Variants in LIMCH1 observed in about 807,000 individuals in gnomAD.
The protein encoded by LIMCH1 is LIM and calponin homology domains 1.
LIMCH1 carries 113 observed loss-of-function variants against 176.5 expected under a neutral mutation model. The observed-to-expected ratio is 0.64, with a 90% confidence interval of 0.55 to 0.75. The LOEUF (loss-of-function observed/expected upper bound fraction) is 0.75. Ranked by LOEUF, LIMCH1 falls within the 30% of genes least tolerant of loss-of-function variation. The probability of loss-of-function intolerance (pLI) is 0.00; values close to 1 mark genes in which losing one functional copy is unlikely to be tolerated. For missense variants in LIMCH1, 1,674 were observed against 1,814.9 expected (o/e 0.92, Z 1.41); for synonymous variants, 619 against 645.9 (o/e 0.96, Z 0.63).
At chr4:41,466,923 C>G (rs1173663354) in intron 1 of LIMCH1, among the ~76,000 whole-genome samples, 1 of 152,066 alleles carries the variant, frequency 6.6e-6, no homozygotes, top group Non-Finnish European at 1.5e-5. Flanking sequence ...AGCAGTAACT[C>G]CTCATTCTCT....
At chr4:41,648,315 C>G (rs2094146116) in intron 17 of LIMCH1, among the ~76,000 whole-genome samples, 1 of 152,182 alleles carries the variant, frequency 6.6e-6, no homozygotes, top group Non-Finnish European at 1.5e-5. Context: ...GAAGGATTAG[C>G]ATAAATGATT....
chr4:41,494,526 T>C lies in LIMCH1; in HGVS notation c.97-10T>C, dbSNP rs1025122649. 97 of 1,609,012 alleles carry C rather than the reference T, an allele frequency of 6.0e-5. No individual in the cohort carries two copies. In the East Asian group the frequency reaches 2.1e-3, roughly 36 times the overall value. On this transcript the variant is annotated splice_polypyrimidine_tract_variant and intron_variant, in intron 1 of 26. Coordinates refer to the LIMCH1 transcript ENST00000313860. Reference sequence around the variant, plus strand: ...AAACTTATGTGCTCTTTTTCTTTTCTTTTTTGCAGCAAGTAACTGGCAGAA... The same window carrying C: ...AAACTTATGTGCTCTTTTTCTTTTCCTTTTTGCAGCAAGTAACTGGCAGAA...
Position 41,616,589 on chromosome 4 carries a change from T to C in LIMCH1, c.206-2599T>C, listed in dbSNP as rs185970292. On this transcript the variant is annotated intron_variant, in intron 5 of 31. Transcript: ENST00000503057. Reference sequence around the variant, plus strand: ...ATCATCATCACATGCTAGATTACATTCTCCTAACTCTGGACATAAATGGAG... The same window carrying C: ...ATCATCATCACATGCTAGATTACATCCTCCTAACTCTGGACATAAATGGAG... 6.3e-4 allele frequency among the ~76,000 whole-genome samples: 96 copies of C among 152,060 alleles called. 1 individual carries two copies. Among genetic ancestry groups the C allele is most frequent in the African/African-American group, 1.9e-3 (80 of 41,480 alleles).
intron 8 of LIMCH1, among the ~76,000 whole-genome samples, chr4:41,627,855 A>G (rs954376025): frequency 6.6e-6 from 1 of 152,206 alleles, no homozygotes; most frequent in Admixed American, 6.5e-5. Context: ...CTTTTTGCCC[A>G]TCACTTTAGA....
intron 1 of LIMCH1, among the ~76,000 whole-genome samples, chr4:41,468,478 G>C (rs1418235773): frequency 6.8e-6 from 1 of 147,876 alleles, no homozygotes; most frequent in Non-Finnish European, 1.5e-5. Context: ...ATCTTGACCT[G>C]ATCTGAAATG....
chr4:41,419,276 C>A (rs936042311), intron 1 of LIMCH1, among the ~76,000 whole-genome samples: 3 of 152,162 alleles, frequency 2.0e-5, no homozygotes, highest in Middle Eastern at 3.4e-3. Context: ...CTCCCGGGTT[C>A]CACAGATTCT....
intron 1 of LIMCH1, among the ~76,000 whole-genome samples, chr4:41,388,392 A>G (rs532795600): frequency 6.6e-6 from 1 of 152,252 alleles, no homozygotes; most frequent in Non-Finnish European, 1.5e-5. Context: ...GAAAGACTGT[A>G]CATTGTGTTA....
chr4:41,613,616 C>T lies in LIMCH1; in HGVS notation c.160C>T (p.Arg54Trp), dbSNP rs531782327. The T allele has an allele frequency of 4.2e-5, 68 of 1,614,128 alleles. No individual in the cohort carries two copies. In the South Asian group the frequency reaches 5.1e-4, roughly 12 times the overall value. Residue 54 changes from arginine to tryptophan, a missense_variant, in exon 5 of 32, where the codon CGG (arginine) becomes TGG (tryptophan). By Grantham distance (101) the Arg-to-Trp change is moderately radical (BLOSUM62 -3). This residue lies in a region of LIMCH1 where 655 missense variants were observed against 692.2 expected (regional missense o/e 0.95). Transcript: ENST00000503057. ...CCTGGATTCCTTTGGCTCTCGCTCT[C>T]GGCAGACGCCTTCACCAGATGTAGT... Reference protein sequence around the residue: ...DSLDSFGSRSRQTPSPDVVLR... With the variant: ...DSLDSFGSRSWQTPSPDVVLR...
At chr4:41,643,389 C>G (rs773623981) in intron 14 of LIMCH1, among the ~76,000 whole-genome samples, 1 of 151,934 alleles carries the variant, frequency 6.6e-6, no homozygotes, top group Non-Finnish European at 1.5e-5. Flanking sequence ...TAGCACTTAA[C>G]AGTGAGCTTT....
At chr4:41,486,340 T>G (rs2069530015) in intron 1 of LIMCH1, among the ~76,000 whole-genome samples, 2 of 152,154 alleles carry the variant, frequency 1.3e-5, no homozygotes, top group Admixed American at 6.5e-5. Context: ...CTGAGAGTCC[T>G]TCGTCAGTCA....
At chr4:41,694,110 T>C (rs1157360990) in intron 31 of LIMCH1, among the ~76,000 whole-genome samples, 7 of 152,114 alleles carry the variant, frequency 4.6e-5, no homozygotes, top group Non-Finnish European at 7.4e-5. Flanking sequence ...AGCTGAAAAA[T>C]AAGAAAGTGA....
chr4:41,536,238 G>A (rs2077931103), upstream of LIMCH1, among the ~76,000 whole-genome samples: 1 of 152,170 alleles, frequency 6.6e-6, no homozygotes, highest in South Asian at 2.1e-4. Context: ...AATGTATGAA[G>A]TATGAGACCA....
chr4:41,644,428 G>A (rs2093970887), intron 14 of LIMCH1, 72 bp from the exon 15 acceptor site: 7 of 1,411,198 alleles, frequency 5.0e-6, no homozygotes, highest in Non-Finnish European at 6.5e-6. Flanking sequence ...CACGCGGCAG[G>A]ACGCCCAGGC....
chr4:41,451,247 C>T (rs1425917962), intron 1 of LIMCH1, among the ~76,000 whole-genome samples: 1 of 151,790 alleles, frequency 6.6e-6, no homozygotes, highest in Non-Finnish European at 1.5e-5. Context: ...TCCCGAGTAG[C>T]TGAGATTACA....
Position 41,687,775 on chromosome 4 carries a change from T to C in LIMCH1, c.4089-65T>C, listed in dbSNP as rs1043762717. On this transcript the variant is annotated intron_variant, in intron 28 of 31. Coordinates refer to ENST00000503057, the MANE Select transcript of LIMCH1 (RefSeq NM_001330672.2). Reference sequence around the variant, plus strand: ...TTTTATTTTCCTAATCTAAAATGTCTTTTTTTAATGGAGTTTGGCTTCTCT... The same window carrying C: ...TTTTATTTTCCTAATCTAAAATGTCCTTTTTTAATGGAGTTTGGCTTCTCT... The C allele has an allele frequency of 1.1e-4, 115 of 1,015,078 alleles. No individual in the cohort carries two copies. The African/African-American group carries it at 1.7e-3, about 15-fold the overall frequency. The allele number at this position is 1,015,078 out of a possible 1,614,324, so 62.9% of individuals were successfully genotyped here.
chr4:41,463,683 C>T (rs2065706462), intron 1 of LIMCH1, among the ~76,000 whole-genome samples: 1 of 151,846 alleles, frequency 6.6e-6, no homozygotes, highest in East Asian at 1.9e-4. Context: ...TCAGGCGATG[C>T]TTCCACCTCA....
chr4:41,418,824 A>G (rs2060176768), intron 1 of LIMCH1: 1 of 152,144 alleles, frequency 6.6e-6, no homozygotes, highest in Admixed American at 6.6e-5. Flanking sequence ...AGAGAGAGAA[A>G]CTGTGTTGGG....
intron 1 of LIMCH1, among the ~76,000 whole-genome samples, chr4:41,583,622 C>A (rs1484186186): frequency 6.6e-6 from 1 of 152,058 alleles, no homozygotes; most frequent in Non-Finnish European, 1.5e-5. Flanking sequence ...CGTTGAGAAT[C>A]TAGAGTTATA....
At chr4:41,656,459 A>G (rs1260959689) in intron 18 of LIMCH1, among the ~76,000 whole-genome samples, 1 of 152,232 alleles carries the variant, frequency 6.6e-6, no homozygotes, top group Non-Finnish European at 1.5e-5. Context: ...TCGAGAAAGC[A>G]TACATCAGGG....
Sources: gnomAD v4.1 joint callset for allele counts (sites outside exome capture counted in the v4.1 genomes callset) on GRCh38, gnomAD v4.1.1 for gene constraint, gnomAD v4.1.1 regional missense constraint, MANE v1.5 for transcripts, NCBI Gene and HGNC (gene_info 2026-07-23, HGNC 2026-07-21) for gene names.